The following NAALADL2 variants were observed in gnomAD, a reference collection of about 807,000 sequenced individuals.
The protein encoded by NAALADL2 is inactive N-acetylated-alpha-linked acidic dipeptidase-like protein 2.
A neutral mutation model predicts 87.2 loss-of-function variants in NAALADL2; 76 were observed. That is an observed-to-expected ratio of 0.87 (90% CI 0.72 to 1.05). The LOEUF (loss-of-function observed/expected upper bound fraction) is 1.05. Among genes scored for constraint, NAALADL2 ranks in the 50% least tolerant of loss-of-function variants. NAALADL2 has a pLI of 0.00. For missense variants in NAALADL2, 1,089 were observed against 945.8 expected (o/e 1.15, Z -1.99); for synonymous variants, 354 against 331.0 (o/e 1.07, Z -0.75).
At chr3:174,883,616 A>T (rs1729701724) in intron 1 of NAALADL2, among the ~76,000 whole-genome samples, 1 of 152,184 alleles carries the variant, frequency 6.6e-6, no homozygotes, top group African/African-American at 2.4e-5. Flanking sequence ...CATGTTTTTT[A>T]ACAAAAGAAG....
In NAALADL2 at chr3:175,809,588, C is replaced by A. The variant is rs1176642814; in HGVS notation, c.*6385C>A. 1 of 147,456 alleles carries A rather than the reference C, an allele frequency of 6.8e-6. No individual in the cohort carries two copies. Among genetic ancestry groups the A allele is most frequent in the Non-Finnish European group, 1.5e-5 (1 of 67,252 alleles). The allele number at this position is 147,456 out of a possible 1,614,324, so 9.1% of individuals were successfully genotyped here. A position where few individuals can be genotyped will look rare whatever the true frequency, so the allele number is the denominator to read the frequency against. ...GTTGGTGTGCACCTTTGTAGTCCAG[C>A]TACTAGGGAGGCTGAGGCGGAAGAA... On this transcript the variant is annotated 3_prime_UTR_variant, in exon 14 of 14. Coordinates refer to ENST00000454872, the MANE Select transcript of NAALADL2 (RefSeq NM_207015.3).
chr3:175,190,997 A>AG (rs1437618188), intron 2 of NAALADL2, among the ~76,000 whole-genome samples: 1 of 151,418 alleles, frequency 6.6e-6, no homozygotes, highest in Non-Finnish European at 1.5e-5. Flanking sequence ...AAAAAAAAAA[A>AG]AGAAAAAGAA....
At position 174,797,305 on chromosome 3, in the gene NAALADL2, C is replaced by CTTTTTTTTTTTTTTTTTTTTTT. The variant is rs1160338109; in HGVS notation, c.-9+59562_-9+59583dup. 2.9e-4 allele frequency among the ~76,000 whole-genome samples: 21 copies of CTTTTTTTTTTTTTTTTTTTTTT among 72,718 alleles called. 1 individual carries two copies. The highest frequency in any genetic ancestry group is 1.1e-3 in the African/African-American group (16 of 14,132). 47.7% of individuals were successfully genotyped at this position (72,718 alleles called of 152,430 possible). On this transcript the variant is annotated intron_variant, in intron 3 of 3. Transcript: ENST00000434257. ...CTTTTTTCTTTTGTTTTTCTTTTTT[C>CTTTTTTTTTTTTTTTTTTTTTT]TTTTTTTTTTTTTTTTTTTTTTTTG...
chr3:175,280,673 C>A (rs1368433965), intron 4 of NAALADL2, among the ~76,000 whole-genome samples: 1 of 152,000 alleles, frequency 6.6e-6, no homozygotes, highest in Non-Finnish European at 1.5e-5. Context: ...TCAAATTTTT[C>A]TTTCCTGTTC....
chr3:174,801,783 GAT>G (rs3040102), intron 3 of NAALADL2, among the ~76,000 whole-genome samples: 40,562 of 151,200 alleles, frequency 0.27, 5,738 homozygotes, highest in East Asian at 0.43. Context: ...ATTTTAATAT[GAT>G]ATATATATTC....
chr3:175,295,582 C>T (rs776652188), intron 4 of NAALADL2, among the ~76,000 whole-genome samples: 4 of 152,104 alleles, frequency 2.6e-5, no homozygotes, highest in Non-Finnish European at 4.4e-5. Context: ...GCTTCTGTTT[C>T]ACAAGTCCAG....
intron 2 of NAALADL2, among the ~76,000 whole-genome samples, chr3:174,606,932 C>T (rs1244191946): frequency 6.6e-6 from 1 of 152,188 alleles, no homozygotes; most frequent in Admixed American, 6.5e-5. Flanking sequence ...TCGGGTTACC[C>T]ACAAAGGGAA....
intron 2 of NAALADL2, among the ~76,000 whole-genome samples, chr3:175,134,096 T>C (rs1343711151): frequency 6.6e-6 from 1 of 152,220 alleles, no homozygotes; most frequent in Non-Finnish European, 1.5e-5. Context: ...ACATTTGCAG[T>C]GACTATGTCT....
At chr3:175,228,570 T>G (rs904768315) in intron 2 of NAALADL2, among the ~76,000 whole-genome samples, 5 of 151,562 alleles carry the variant, frequency 3.3e-5, no homozygotes, top group African/African-American at 1.2e-4. Context: ...ATTAGAAAAT[T>G]TATGTAAGCT....
At chr3:175,305,578 A>G (rs1380305830) in intron 4 of NAALADL2, among the ~76,000 whole-genome samples, 1 of 151,712 alleles carries the variant, frequency 6.6e-6, no homozygotes, top group Non-Finnish European at 1.5e-5. Context: ...GCTGGAGTGC[A>G]ATGGCACAAT....
chr3:174,998,123 A>G (rs1263371624), intron 1 of NAALADL2, among the ~76,000 whole-genome samples: 1 of 152,220 alleles, frequency 6.6e-6, no homozygotes, highest in Non-Finnish European at 1.5e-5. Context: ...GTTTTCTATA[A>G]TTATAATAGC....
chr3:174,494,718 T>C (rs1241352218), intron 1 of NAALADL2, among the ~76,000 whole-genome samples: 2 of 151,958 alleles, frequency 1.3e-5, no homozygotes, highest in East Asian at 1.9e-4. Flanking sequence ...AAGGTATGAG[T>C]TGGTATTTAT....
chr3:174,730,493 G>T (rs928195288), intron 2 of NAALADL2, among the ~76,000 whole-genome samples: 3 of 151,922 alleles, frequency 2.0e-5, no homozygotes, highest in South Asian at 2.1e-4. Context: ...CAAAATAAAA[G>T]AACTTTTAAA....
chr3:174,547,869 A>G, intron 1 of NAALADL2, among the ~76,000 whole-genome samples: 1 of 152,154 alleles, frequency 6.6e-6, no homozygotes, highest in East Asian at 1.9e-4. Context: ...ATGGCATTTC[A>G]CAAAATGTTG....
At chr3:174,585,417 T>G (rs1256635276) in intron 2 of NAALADL2, among the ~76,000 whole-genome samples, 1 of 152,196 alleles carries the variant, frequency 6.6e-6, no homozygotes, top group Non-Finnish European at 1.5e-5. Flanking sequence ...TAACATGACT[T>G]CACATGGACG....
In NAALADL2 at chr3:174,468,056, T is replaced by C. The variant is rs190556442; in HGVS notation, c.-184+27024T>C. Among the ~76,000 whole-genome samples, 9 of 152,338 alleles carry C rather than the reference T, an allele frequency of 5.9e-5. No individual in the cohort carries two copies. The East Asian group carries it at 1.7e-3, about 29-fold the overall frequency. ...AATTCTCTCTTAAGCAAAAGCTGTCTTCTACAGTATCCCCACAAATTGGAT... is the reference window on the plus strand; with the variant it reads ...AATTCTCTCTTAAGCAAAAGCTGTCCTCTACAGTATCCCCACAAATTGGAT... On this transcript the variant is annotated intron_variant, in intron 1 of 3. Transcript: ENST00000434257.
intron 10 of NAALADL2, among the ~76,000 whole-genome samples, chr3:175,615,075 C>A (rs1255793430): frequency 6.6e-6 from 1 of 152,066 alleles, no homozygotes; most frequent in Non-Finnish European, 1.5e-5. Flanking sequence ...GCTGAAAACA[C>A]AACTTCAGGA....
intron 1 of NAALADL2, among the ~76,000 whole-genome samples, chr3:174,890,756 G>A (rs1204046890): frequency 2.0e-5 from 3 of 152,078 alleles, no homozygotes. Context: ...TCATTTGACA[G>A]GGTGTATGTG....
At chr3:175,620,309 A>G (rs1726034757) in intron 10 of NAALADL2, among the ~76,000 whole-genome samples, 1 of 152,152 alleles carries the variant, frequency 6.6e-6, no homozygotes, top group Non-Finnish European at 1.5e-5. Context: ...CGCCCCTGCC[A>G]TGGCTCCACG....
Sources: allele counts gnomAD v4.1 joint callset (sites outside exome capture counted in the v4.1 genomes callset), GRCh38; gene constraint gnomAD v4.1.1; transcripts MANE v1.5; gene names NCBI Gene and HGNC (gene_info 2026-07-23, HGNC 2026-07-21).